MEI4: variants seen among roughly 807,000 people sequenced by gnomAD.
The protein encoded by MEI4 is meiosis-specific protein MEI4.
In MEI4, 27 loss-of-function variants were observed where a neutral mutation model predicts 31.4. The ratio of observed to expected loss-of-function variants is 0.86; its 90% CI spans 0.63 to 1.19. MEI4 has a LOEUF of 1.19. MEI4 is among the 50% of genes most tolerant of loss of function. MEI4 has a pLI of 0.00. For missense variants in MEI4, 329 were observed against 398.9 expected (o/e 0.82, Z 1.49); for synonymous variants, 122 against 145.4 (o/e 0.84, Z 1.16).
chr6:77,828,450 T>A (rs1770006144), intron 3 of MEI4, among the ~76,000 whole-genome samples: 1 of 152,000 alleles, frequency 6.6e-6, no homozygotes, highest in South Asian at 2.1e-4. Context: ...CTTGTGATAA[T>A]CTTATGAGTG....
At chr6:77,881,472 G>GTT (rs1562024251) in intron 4 of MEI4, among the ~76,000 whole-genome samples, 1 of 152,146 alleles carries the variant, frequency 6.6e-6, no homozygotes, top group African/African-American at 2.4e-5. Flanking sequence ...CTCATTCTAT[G>GTT]TTTTGAATAA....
chr6:77,731,072 G>A (rs1766974407), intron 2 of MEI4, among the ~76,000 whole-genome samples: 1 of 151,954 alleles, frequency 6.6e-6, no homozygotes. Flanking sequence ...AGTGTGACTA[G>A]TGCCTCAATA....
At chr6:77,727,144 C>T (rs907260545) in intron 2 of MEI4, among the ~76,000 whole-genome samples, 2 of 152,032 alleles carry the variant, frequency 1.3e-5, no homozygotes, top group Non-Finnish European at 2.9e-5. Context: ...GATTCTGGAC[C>T]CTCCAGGGTT....
intron 3 of MEI4, among the ~76,000 whole-genome samples, chr6:77,768,867 T>C (rs1181680021): frequency 6.6e-6 from 1 of 152,178 alleles, no homozygotes; most frequent in Non-Finnish European, 1.5e-5. Context: ...TAGTTTCTAA[T>C]TGAATATAAG....
intron 2 of MEI4, among the ~76,000 whole-genome samples, chr6:77,712,319 TA>T (rs1443204673): frequency 6.6e-6 from 1 of 152,198 alleles, no homozygotes; most frequent in Non-Finnish European, 1.5e-5. Context: ...TCCAAGCTGT[TA>T]AATTTACTTA....
chr6:77,892,557 G>A (rs1765984092), intron 4 of MEI4, among the ~76,000 whole-genome samples: 3 of 152,028 alleles, frequency 2.0e-5, no homozygotes, highest in African/African-American at 7.2e-5. Flanking sequence ...TGCTGGAGGG[G>A]GCAGGGTTAC....
At chr6:77,904,496 G>T (rs952142671) in intron 4 of MEI4, among the ~76,000 whole-genome samples, 1 of 151,336 alleles carries the variant, frequency 6.6e-6, no homozygotes, top group African/African-American at 2.4e-5. Flanking sequence ...AGTATCTATT[G>T]CTCTTCTCTT....
chr6:77,825,548 C>T (rs979921616), intron 3 of MEI4, among the ~76,000 whole-genome samples: 1 of 152,172 alleles, frequency 6.6e-6, no homozygotes, highest in South Asian at 2.1e-4. Flanking sequence ...TGAAGGTGCC[C>T]ACCGTCCCTT....
intron 4 of MEI4, among the ~76,000 whole-genome samples, chr6:77,887,548 C>G (rs1054846822): frequency 3.7e-4 from 56 of 152,206 alleles, no homozygotes; most frequent in Admixed American, 3.5e-3. Flanking sequence ...CCACCCCCCT[C>G]AGCCTCCCAA....
intron 3 of MEI4, among the ~76,000 whole-genome samples, chr6:77,783,000 G>T (rs1036101967): frequency 6.6e-6 from 1 of 150,686 alleles, no homozygotes. Context: ...AAATCTGTTG[G>T]TTTTTTCCAC....
chr6:77,664,086 T>A (rs1768572451), intron 1 of MEI4, among the ~76,000 whole-genome samples: 1 of 152,224 alleles, frequency 6.6e-6, no homozygotes, highest in Admixed American at 6.5e-5. Flanking sequence ...TTGGAAGTTC[T>A]TGTGTGCTGG....
chr6:77,800,783 C>T (rs888427444), intron 3 of MEI4, among the ~76,000 whole-genome samples: 4 of 152,002 alleles, frequency 2.6e-5, no homozygotes, highest in Non-Finnish European at 5.9e-5. Context: ...TGTTTATATG[C>T]TGAATTAAGT....
Position 77,733,060 on chromosome 6 carries a change from T to C in MEI4, c.233-28070T>C, listed in dbSNP as rs551891453. Among the ~76,000 whole-genome samples the C allele has an allele frequency of 3.4e-3, 512 of 152,084 alleles. 6 individuals are homozygous for C. Among genetic ancestry groups the C allele is most frequent in the African/African-American group, 0.012 (499 of 41,364 alleles). On this transcript the variant is annotated intron_variant, in intron 2 of 4. Coordinates refer to ENST00000684080, the MANE Select transcript of MEI4 (RefSeq NM_001322247.2). ...TTTATTGAGGATTTTTGCATCAATG[T>C]TCATCAAGGATATTGATCTAAAATT...
chr6:77,818,329 G>C (rs1769737113), intron 3 of MEI4, among the ~76,000 whole-genome samples: 1 of 151,822 alleles, frequency 6.6e-6, no homozygotes, highest in African/African-American at 2.4e-5. Context: ...CTTTTTATAA[G>C]GTAAAAAAAG....
chr6:77,916,452 G>T (rs1369920328), intron 4 of MEI4, among the ~76,000 whole-genome samples: 4 of 151,890 alleles, frequency 2.6e-5, no homozygotes, highest in African/African-American at 9.7e-5. Context: ...GGTTATATTA[G>T]GCACATGGTG....
At chr6:77,800,374 A>G (rs1377543763) in intron 3 of MEI4, among the ~76,000 whole-genome samples, 3 of 152,160 alleles carry the variant, frequency 2.0e-5, no homozygotes, top group East Asian at 1.9e-4. Context: ...GAAGTTGCCT[A>G]TCAGCTTAAG....
chr6:77,710,520 CAA>C (rs1198470708), intron 2 of MEI4, among the ~76,000 whole-genome samples: 2,366 of 57,628 alleles, frequency 0.041, 37 homozygotes, highest in Non-Finnish European at 0.061. Context: ...GACTCCATCT[CAA>C]AAAAAAAAAA....
At chr6:77,824,247 C>A (rs1461857702) in intron 3 of MEI4, among the ~76,000 whole-genome samples, 1 of 151,936 alleles carries the variant, frequency 6.6e-6, no homozygotes, top group East Asian at 1.9e-4. Flanking sequence ...GTGCCACCAT[C>A]CCCAGCTAAT....
At chr6:77,877,951 A>G (rs1257697674) in intron 4 of MEI4, among the ~76,000 whole-genome samples, 1 of 152,122 alleles carries the variant, frequency 6.6e-6, no homozygotes, top group Non-Finnish European at 1.5e-5. Context: ...CAGATGACCA[A>G]GTCATAATGA....
Sources: gnomAD v4.1 joint callset for allele counts (sites outside exome capture counted in the v4.1 genomes callset) on GRCh38, gnomAD v4.1.1 for gene constraint, MANE v1.5 for transcripts, NCBI Gene and HGNC (gene_info 2026-07-23, HGNC 2026-07-21) for gene names.